MITF: variants seen among roughly 807,000 people sequenced by gnomAD.
The protein encoded by MITF is microphthalmia-associated transcription factor.
In MITF, 17 loss-of-function variants were observed where a neutral mutation model predicts 60.5. That is an observed-to-expected ratio of 0.28 (90% CI 0.19 to 0.42). MITF has a LOEUF of 0.42. MITF is among the 10% of genes least tolerant of loss of function. MITF has a pLI of 1.00. For synonymous variants in MITF, 260 were observed against 248.5 expected (o/e 1.05, Z -0.43); for missense variants, 622 against 683.5 (o/e 0.91, Z 1.00).
chr3:69,810,585 G>A (rs1057287400), intron 1 of MITF, among the ~76,000 whole-genome samples: 2 of 152,148 alleles, frequency 1.3e-5, no homozygotes, highest in Admixed American at 1.3e-4. Context: ...GAAAAGACAT[G>A]TAATTTCAAC....
intron 2 of MITF, among the ~76,000 whole-genome samples, chr3:69,893,115 A>G (rs2064795725): frequency 6.6e-6 from 1 of 152,080 alleles, no homozygotes; most frequent in South Asian, 2.1e-4. Flanking sequence ...CTTTTCTTCC[A>G]CCAGATGATA....
rs570765426 is a variant in MITF, at chr3:69,875,974, G to A, written c.105-3160G>A. On this transcript the variant is annotated intron_variant, in intron 1 of 9. Coordinates refer to ENST00000352241, the MANE Select transcript of MITF (RefSeq NM_001354604.2). ...TATTAAAACACTGTCAATTAACTGA[G>A]CTGTGCTATATTTATATAACTATAA... Among the ~76,000 whole-genome samples the A allele has an allele frequency of 2.6e-5, 4 of 152,234 alleles. No individual in the cohort carries two copies. The East Asian group carries it at 5.8e-4, about 22-fold the overall frequency.
At chr3:69,831,964 G>A (rs1485136742) in intron 1 of MITF, among the ~76,000 whole-genome samples, 1 of 152,144 alleles carries the variant, frequency 6.6e-6, no homozygotes, top group Non-Finnish European at 1.5e-5. Flanking sequence ...CCTAGGTATA[G>A]CCAGCCAGTC....
intron 1 of MITF, among the ~76,000 whole-genome samples, chr3:69,809,452 G>A (rs770715805): frequency 5.9e-5 from 9 of 152,130 alleles, no homozygotes; most frequent in Non-Finnish European, 1.2e-4. Context: ...TGGATTCCCA[G>A]ATGCTTTATC....
chr3:69,926,899 T>C (rs1378573399), intron 2 of MITF, among the ~76,000 whole-genome samples: 1 of 152,204 alleles, frequency 6.6e-6, no homozygotes, highest in East Asian at 1.9e-4. Flanking sequence ...AACCCCTTCA[T>C]GGGTTTATTT....
At chr3:69,866,275 C>T (rs2064112894) in intron 1 of MITF, 7 of 1,613,440 alleles carry the variant, frequency 4.3e-6, no homozygotes, top group Non-Finnish European at 5.1e-6. Flanking sequence ...TTGCAGAACA[C>T]CTTAAAGGAA....
chr3:69,807,696 TG>T (rs1338312638), intron 1 of MITF, among the ~76,000 whole-genome samples: 2 of 152,248 alleles, frequency 1.3e-5, no homozygotes, highest in African/African-American at 4.8e-5. Context: ...TACCTTTATT[TG>T]GGTCAAAATG....
chr3:69,967,384 T>C lies in MITF; in HGVS notation c.*2136T>C, dbSNP rs1397558002. 8.6e-6 allele frequency: 2 copies of C among 232,990 alleles called. No individual in the cohort carries two copies. The highest frequency in any genetic ancestry group is 1.7e-5 in the Non-Finnish European group (2 of 117,658). The allele number at this position is 232,990 out of a possible 1,614,324, so 14.4% of individuals were successfully genotyped here. On this transcript the variant is annotated 3_prime_UTR_variant, in exon 10 of 10. Transcript: ENST00000352241. ...ATACAATCATAGCATTGTCTATTTT[T>C]CTCTTCATATTTATATGGGGGGGAG...
At chr3:69,842,731 C>G (rs894053778) in intron 1 of MITF, among the ~76,000 whole-genome samples, 1 of 136,672 alleles carries the variant, frequency 7.3e-6, no homozygotes, top group Admixed American at 7.3e-5. Context: ...TTTCCAAAAT[C>G]AACGTGATGG....
At chr3:69,741,558 C>T (rs1490636013) in intron 1 of MITF, among the ~76,000 whole-genome samples, 1 of 152,096 alleles carries the variant, frequency 6.6e-6, no homozygotes, top group Non-Finnish European at 1.5e-5. Flanking sequence ...TGAACGTCCT[C>T]AGTAGCTAGC....
intron 1 of MITF, among the ~76,000 whole-genome samples, chr3:69,789,394 A>G (rs1166578069): frequency 6.6e-6 from 1 of 152,190 alleles, no homozygotes; most frequent in African/African-American, 2.4e-5. Flanking sequence ...AAAGTGCTCA[A>G]TGTCACTCAT....
intron 2 of MITF, among the ~76,000 whole-genome samples, chr3:69,934,732 G>T (rs531258759): frequency 3.2e-4 from 48 of 152,198 alleles, no homozygotes; most frequent in Non-Finnish European, 6.3e-4. Flanking sequence ...GAAATGCCTG[G>T]ATTTGGACTA....
chr3:69,928,877 C>T lies in MITF; in HGVS notation c.355-8945C>T, dbSNP rs115453563. On this transcript the variant is annotated intron_variant, in intron 2 of 9. Coordinates refer to ENST00000352241, the MANE Select transcript of MITF (RefSeq NM_001354604.2). Reference sequence around the variant, plus strand: ...GAGGTGAAAGCAAATCTCAGGCTTCCGGCCGGTCATTTGAGACCCACAGGG... The same window carrying T: ...GAGGTGAAAGCAAATCTCAGGCTTCTGGCCGGTCATTTGAGACCCACAGGG... Among the ~76,000 whole-genome samples, 771 of 152,208 alleles carry T rather than the reference C, an allele frequency of 5.1e-3. 5 individuals are homozygous for T. Among genetic ancestry groups the T allele is most frequent in the African/African-American group, 0.017 (700 of 41,508 alleles).
At chr3:69,906,989 A>G (rs184704679) in intron 2 of MITF, among the ~76,000 whole-genome samples, 228 of 152,226 alleles carry the variant, frequency 1.5e-3, no homozygotes, top group South Asian at 4.6e-3. Flanking sequence ...AAATTGCCCT[A>G]TGTGGTACTT....
chr3:69,821,690 T>TAAAAAAAAAAAAAAAAAAAAAAAAAAAA (rs72371556), intron 1 of MITF, among the ~76,000 whole-genome samples: 3 of 113,224 alleles, frequency 2.6e-5, no homozygotes, highest in Non-Finnish European at 3.5e-5. Flanking sequence ...AAAAAAAAAC[T>TAAAAAAAAAAAAAAAAAAAAAAAAAAAA]AAAAAAAAAA....
intron 1 of MITF, among the ~76,000 whole-genome samples, chr3:69,758,117 GCACACACACA>G (rs111261020): frequency 1.7e-5 from 2 of 120,108 alleles, no homozygotes; most frequent in African/African-American, 3.1e-5. Flanking sequence ...TATATCATAT[GCACACACACA>G]CACACACACA....
intron 1 of MITF, among the ~76,000 whole-genome samples, chr3:69,748,445 T>G (rs1703812909): frequency 6.6e-6 from 1 of 152,186 alleles, no homozygotes; most frequent in African/African-American, 2.4e-5. Flanking sequence ...TTCGCCATGT[T>G]GGCTAGGCTG....
At chr3:69,855,112 A>G (rs2063893294) in intron 1 of MITF, among the ~76,000 whole-genome samples, 1 of 151,436 alleles carries the variant, frequency 6.6e-6, no homozygotes, top group Admixed American at 6.6e-5. Context: ...CCCAGGGACT[A>G]CTTTTCTGCT....
At chr3:69,938,137 A>G (rs1186303239) in intron 3 of MITF, 88 bp downstream of exon 3, 18 of 1,422,718 alleles carry the variant, frequency 1.3e-5, no homozygotes, top group Non-Finnish European at 1.6e-5. Flanking sequence ...TGTGGACTCT[A>G]GTTTGTCCTT....
Sources: gnomAD v4.1 joint callset for allele counts (sites outside exome capture counted in the v4.1 genomes callset) on GRCh38, gnomAD v4.1.1 for gene constraint, MANE v1.5 for transcripts, NCBI Gene and HGNC (gene_info 2026-07-23, HGNC 2026-07-21) for gene names.